Variants in CAMK2B observed in about 807,000 individuals in gnomAD.
CAMK2B encodes the protein calcium/calmodulin-dependent protein kinase type II subunit beta.
Under a neutral mutation model 93.7 loss-of-function variants are expected in CAMK2B, and 27 were observed. The observed-to-expected ratio is 0.29, with a 90% confidence interval of 0.21 to 0.40. The LOEUF is 0.40. CAMK2B is among the 10% of genes least tolerant of loss of function. CAMK2B has a pLI of 1.00. For missense variants in CAMK2B, 568 were observed against 895.8 expected (o/e 0.63, Z 4.67); for synonymous variants, 374 against 358.8 (o/e 1.04, Z -0.48).
intron 11 of CAMK2B, among the ~76,000 whole-genome samples, chr7:44,241,436 G>A (rs1040886531): frequency 3.3e-5 from 5 of 152,358 alleles, no homozygotes; most frequent in Admixed American, 3.3e-4. Context: ...CCCACAGCGA[G>A]CGCTTCAGGA....
At position 44,239,806 on chromosome 7, in the gene CAMK2B, C is replaced by T. The variant is rs1220909699; in HGVS notation, c.947-143G>A. 3 of 658,172 alleles carry T rather than the reference C, an allele frequency of 4.6e-6. No homozygotes were observed. The African/African-American group carries it at 5.4e-5, about 12-fold the overall frequency. The allele number at this position is 658,172 out of a possible 1,614,324, so 40.8% of individuals were successfully genotyped here. A position where few individuals can be genotyped will look rare whatever the true frequency, so the allele number is the denominator to read the frequency against. ...TTAGGTGACAGATGGTTCCAGAATCCTTTGCTCAAGAGAGTGAAAACAAGA... is the reference window on the plus strand; with the variant it reads ...TTAGGTGACAGATGGTTCCAGAATCTTTTGCTCAAGAGAGTGAAAACAAGA... On this transcript the variant is annotated intron_variant, in intron 12 of 23. Transcript: ENST00000395749.
chr7:44,318,953 T>C (rs553859533), intron 1 of CAMK2B, among the ~76,000 whole-genome samples: 6 of 152,354 alleles, frequency 3.9e-5, no homozygotes, highest in Admixed American at 3.3e-4. Flanking sequence ...GTTTGGCAGC[T>C]AGCAACACCA....
chr7:44,241,644 C>T, intron 11 of CAMK2B, 56 bp downstream of exon 11: 3 of 1,420,280 alleles, frequency 2.1e-6, no homozygotes, highest in Admixed American at 1.7e-5. Context: ...CCTGCTCCAG[C>T]CCAGAGGGAC....
chr7:44,283,932 T>G lies in CAMK2B; in HGVS notation c.160+199A>C, dbSNP rs370214536. Among the ~76,000 whole-genome samples, 5 of 152,258 alleles carry G rather than the reference T, an allele frequency of 3.3e-5. No homozygotes were observed. The South Asian group carries it at 8.3e-4, about 25-fold the overall frequency. Reference sequence around the variant, plus strand: ...CCACCAGGCCAGAGGTGCCCTCAAGTCCCCAACACTCCTGTGCCTCCCTCT... The same window carrying G: ...CCACCAGGCCAGAGGTGCCCTCAAGGCCCCAACACTCCTGTGCCTCCCTCT... On this transcript the variant is annotated intron_variant, in intron 2 of 23. Transcript: ENST00000395749.
At chr7:44,302,608 A>T (rs916416234) in intron 1 of CAMK2B, among the ~76,000 whole-genome samples, 1 of 152,206 alleles carries the variant, frequency 6.6e-6, no homozygotes, top group Non-Finnish European at 1.5e-5. Flanking sequence ...ATATTCAAAA[A>T]TTAATTATTA....
chr7:44,306,911 C>G (rs1266031201), intron 1 of CAMK2B, among the ~76,000 whole-genome samples: 4 of 49,060 alleles, frequency 8.2e-5, no homozygotes, highest in Non-Finnish European at 1.2e-4. Context: ...ACGGTGTGAG[C>G]AGGGGGAAGA....
At chr7:44,302,988 T>G (rs1357766332) in intron 1 of CAMK2B, among the ~76,000 whole-genome samples, 2 of 152,160 alleles carry the variant, frequency 1.3e-5, no homozygotes, top group African/African-American at 2.4e-5. Context: ...ATAAATGATA[T>G]GCCTATATAG....
intron 1 of CAMK2B, among the ~76,000 whole-genome samples, chr7:44,297,845 C>T (rs1788714373): frequency 1.3e-5 from 2 of 152,142 alleles, no homozygotes; most frequent in African/African-American, 4.8e-5. Flanking sequence ...TAAAACTGGC[C>T]GGATGCAGTG....
In CAMK2B at chr7:44,290,960, G is replaced by A. The variant is rs190633639; in HGVS notation, c.66-6735C>T. Among the ~76,000 whole-genome samples the A allele has an allele frequency of 1.4e-3, 213 of 152,282 alleles. 1 individual carries two copies. The highest frequency in any genetic ancestry group is 5.0e-3 in the African/African-American group (206 of 41,560). Reference sequence around the variant, plus strand: ...ACGTTGCCTCCATAACCCACAACACGGTCAGTAGGGCCCATTGATGTTTGG... The same window carrying A: ...ACGTTGCCTCCATAACCCACAACACAGTCAGTAGGGCCCATTGATGTTTGG... On this transcript the variant is annotated intron_variant, in intron 1 of 23. Transcript: ENST00000395749.
At chr7:44,242,458 G>A in intron 9 of CAMK2B, 102 bp downstream of exon 9, 1 of 1,510,780 alleles carries the variant, frequency 6.6e-7, no homozygotes, top group Admixed American at 1.8e-5. Context: ...CCAGGACCTG[G>A]CCACAGGTGG....
rs530496959 is a variant in CAMK2B at position 44,263,125 on chromosome 7, G to C, written c.161-61C>G. On this transcript the variant is annotated intron_variant, in intron 2 of 23. Transcript: ENST00000395749. ...GCCAGCAACTGGTGGCCCAGGGATC[G>C]TCCATGTCAGGAGAGGCCCACAAGG... is the stretch of plus-strand genomic sequence containing the variant. 8.2e-5 allele frequency: 125 copies of C among 1,530,472 alleles called. 3 individuals carry two copies. In the South Asian group the frequency reaches 1.3e-3, roughly 16 times the overall value. The allele number at this position is 1,530,472 out of a possible 1,614,324, so 94.8% of individuals were successfully genotyped here. A position where few individuals can be genotyped will look rare whatever the true frequency, so the allele number is the denominator to read the frequency against.
intron 2 of CAMK2B, among the ~76,000 whole-genome samples, chr7:44,277,427 C>T (rs932224464): frequency 7.9e-5 from 12 of 152,242 alleles, no homozygotes; most frequent in Admixed American, 3.3e-4. Flanking sequence ...TCCGCGTGGC[C>T]GAGTATTTCG....
chr7:44,309,539 G>C (rs1792913402), intron 1 of CAMK2B, among the ~76,000 whole-genome samples: 1 of 152,170 alleles, frequency 6.6e-6, no homozygotes, highest in South Asian at 2.1e-4. Context: ...ACAGGGCATG[G>C]GGAGGGCCCT....
intron 1 of CAMK2B, among the ~76,000 whole-genome samples, chr7:44,306,948 G>C (rs1322975258): frequency 8.1e-6 from 1 of 122,884 alleles, no homozygotes; most frequent in Non-Finnish European, 1.7e-5. Context: ...AGAAGGGGGT[G>C]AGTAGGGGGA....
intron 1 of CAMK2B, among the ~76,000 whole-genome samples, chr7:44,314,798 T>G (rs1447777932): frequency 6.6e-6 from 1 of 152,234 alleles, no homozygotes; most frequent in Non-Finnish European, 1.5e-5. Context: ...AAGAGTGAAA[T>G]GGCATCGCAT....
intron 2 of CAMK2B, among the ~76,000 whole-genome samples, chr7:44,278,399 C>G (rs1484358186): frequency 2.6e-5 from 4 of 152,188 alleles, no homozygotes; most frequent in African/African-American, 9.7e-5. Flanking sequence ...CACGGTCAGA[C>G]AGCTGGGCAG....
chr7:44,263,455 T>A (rs1401967565), intron 2 of CAMK2B, among the ~76,000 whole-genome samples: 1 of 151,360 alleles, frequency 6.6e-6, no homozygotes, highest in Non-Finnish European at 1.5e-5. Context: ...GCTGTCAGAA[T>A]GGGGCCGGGA....
intron 16 of CAMK2B, among the ~76,000 whole-genome samples, chr7:44,231,313 G>A (rs534541526): frequency 6.6e-6 from 1 of 152,158 alleles, no homozygotes; most frequent in Non-Finnish European, 1.5e-5. Flanking sequence ...TCCCTGGGAG[G>A]GCGCCCCTCA....
chr7:44,220,401 G>A (rs901795675), intron 22 of CAMK2B, 107 bp from the exon 23 acceptor site: 1 of 958,786 alleles, frequency 1.0e-6, no homozygotes, highest in Non-Finnish European at 1.6e-6. Flanking sequence ...CCCCTTATTG[G>A]GGAGGCTCGG....
Sources: allele counts gnomAD v4.1 joint callset (sites outside exome capture counted in the v4.1 genomes callset), GRCh38; gene constraint gnomAD v4.1.1; transcripts MANE v1.5; gene names NCBI Gene and HGNC (gene_info 2026-07-23, HGNC 2026-07-21).